TNS1: variants seen among roughly 807,000 people sequenced by gnomAD.
TNS1 encodes tensin 1, also known as tensin-1.
In TNS1, 62 loss-of-function variants were observed where a neutral mutation model predicts 168.6. The ratio of observed to expected loss-of-function variants is 0.37; its 90% CI spans 0.30 to 0.45. TNS1 has a LOEUF of 0.45. Among genes scored for constraint, TNS1 ranks in the 20% least tolerant of loss-of-function variants. TNS1 has a pLI of 1.00. For missense variants in TNS1, 2,240 were observed against 2,339.4 expected (o/e 0.96, Z 0.88); for synonymous variants, 934 against 933.2 (o/e 1.00, Z -0.02).
At chr2:217,917,700 G>A (rs1863796) in intron 4 of TNS1, among the ~76,000 whole-genome samples, 26,574 of 151,650 alleles carry the variant, frequency 0.18, 2,565 homozygotes, top group East Asian at 0.27. Context: ...GTGTGGTGCC[G>A]TGCGCCTGTA....
chr2:217,923,735 C>G (rs1575091382), intron 3 of TNS1, among the ~76,000 whole-genome samples: 1 of 152,318 alleles, frequency 6.6e-6, no homozygotes, highest in African/African-American at 2.4e-5. Context: ...CTATTACCCC[C>G]AATTCACAGA....
intron 3 of TNS1, among the ~76,000 whole-genome samples, chr2:217,946,958 C>A (rs1957122138): frequency 1.4e-5 from 2 of 139,786 alleles, no homozygotes; most frequent in African/African-American, 6.1e-5. Flanking sequence ...CTCTCTCTCT[C>A]TCTCTCTCTC....
chr2:217,825,443 G>T (rs1301402006), intron 22 of TNS1, among the ~76,000 whole-genome samples: 1 of 152,170 alleles, frequency 6.6e-6, no homozygotes, highest in Non-Finnish European at 1.5e-5. Context: ...ATCCCTCACT[G>T]CTCTGCCCAG....
chr2:217,815,080 CT>C, intron 24 of TNS1, 82 bp from the exon 25 acceptor site: 1 of 1,158,288 alleles, frequency 8.6e-7, no homozygotes, highest in South Asian at 1.3e-5. Flanking sequence ...GCCCCCAGTG[CT>C]TGTGAATTTG....
intron 1 of TNS1, among the ~76,000 whole-genome samples, chr2:218,019,132 A>G (rs1232359791): frequency 6.6e-6 from 1 of 152,302 alleles, no homozygotes; most frequent in African/African-American, 2.4e-5. Context: ...ATGTACACAG[A>G]CACACATAAA....
chr2:217,888,449 G>A (rs919158970), intron 12 of TNS1, among the ~76,000 whole-genome samples: 3 of 152,148 alleles, frequency 2.0e-5, no homozygotes, highest in Admixed American at 2.0e-4. Flanking sequence ...ACAGGAGCCA[G>A]GCAGACACGC....
chr2:217,968,836 A>G (rs1957710995), intron 3 of TNS1, among the ~76,000 whole-genome samples: 1 of 152,166 alleles, frequency 6.6e-6, no homozygotes, highest in African/African-American at 2.4e-5. Context: ...CTGGGTTTAC[A>G]GCTGTGCACC....
At chr2:217,984,844 C>T (rs1363202338) in intron 2 of TNS1, among the ~76,000 whole-genome samples, 2 of 151,574 alleles carry the variant, frequency 1.3e-5, no homozygotes, top group African/African-American at 4.9e-5. Context: ...CAACCTCCAC[C>T]TCCCGGGTTC....
rs894720715 is a variant in TNS1, at chr2:217,818,212, G to A, written c.4120C>T (p.Pro1374Ser). The A allele has an allele frequency of 6.2e-7, 1 of 1,613,902 alleles. No homozygotes were observed. The highest frequency in any genetic ancestry group is 8.5e-7 in the Non-Finnish European group (1 of 1,179,914). ...HNKVATTPGS[P>S]SLGRHPGAHQ... ...GCCCCAGGGTGCCGGCCCAGGCTGG[G>A]ACTCCCCGGGGTGGTGGCCACTTTG... The change falls in exon 24 of 33, where the codon CCC (proline) becomes TCC (serine). Residue 1374 changes from proline (P) to serine (S), a missense_variant. Coordinates refer to ENST00000682258, the MANE Select transcript of TNS1 (RefSeq NM_001387777.1).
intron 3 of TNS1, among the ~76,000 whole-genome samples, chr2:217,977,145 G>A (rs533429273): frequency 6.6e-6 from 1 of 152,356 alleles, no homozygotes; most frequent in African/African-American, 2.4e-5. Flanking sequence ...AAAGGTTGCA[G>A]GAAGGGCAGT....
At chr2:217,886,187 G>A (rs1020228384) in intron 13 of TNS1, 83 bp from the exon 14 acceptor site, 76 of 1,446,298 alleles carry the variant, frequency 5.3e-5, no homozygotes, top group Non-Finnish European at 7.2e-5. Context: ...GGGAGAAAGA[G>A]AGAAAGGAAG....
chr2:218,001,405 T>C (rs1958560637), intron 1 of TNS1, among the ~76,000 whole-genome samples: 1 of 152,094 alleles, frequency 6.6e-6, no homozygotes, highest in South Asian at 2.1e-4. Flanking sequence ...CTTTTCCCAG[T>C]ATCAGTCAGC....
chr2:217,979,848 A>G (rs551880775), intron 2 of TNS1, among the ~76,000 whole-genome samples: 14 of 152,044 alleles, frequency 9.2e-5, no homozygotes, highest in Non-Finnish European at 1.9e-4. Flanking sequence ...CAAATCCTCA[A>G]CAGCCACAGC....
At chr2:217,814,800 A>C in intron 25 of TNS1, 112 bp downstream of exon 25, 1 of 773,592 alleles carries the variant, frequency 1.3e-6, no homozygotes, top group Non-Finnish European at 2.2e-6. Context: ...CCCCTCTGTG[A>C]TGACCCCCTG....
intron 18 of TNS1, among the ~76,000 whole-genome samples, chr2:217,851,061 C>G (rs1189525238): frequency 6.6e-6 from 1 of 152,062 alleles, no homozygotes; most frequent in Non-Finnish European, 1.5e-5. Context: ...GATTTAAAAT[C>G]AGAGCTAATT....
intron 3 of TNS1, among the ~76,000 whole-genome samples, chr2:217,969,999 A>AT (rs560038995): frequency 2.2e-4 from 33 of 151,716 alleles, no homozygotes; most frequent in African/African-American, 7.6e-4. Context: ...ACAGTTCCTG[A>AT]TAAAAAAAAA....
At chr2:217,809,550 T>C (rs1940346221) in intron 30 of TNS1, among the ~76,000 whole-genome samples, 4 of 94,394 alleles carry the variant, frequency 4.2e-5, no homozygotes, top group East Asian at 2.5e-4. Context: ...CATGGATGGA[T>C]GGATGGATGG....
chr2:217,990,833 T>G, intron 2 of TNS1, 109 bp downstream of exon 2: 11 of 310,596 alleles, frequency 3.5e-5, no homozygotes, highest in East Asian at 1.1e-4. Flanking sequence ...AGGCGTCAGG[T>G]TGGGACCCCA....
At chr2:217,901,834 G>A (rs1406933794) in intron 6 of TNS1, 1 of 152,288 alleles carries the variant, frequency 6.6e-6, no homozygotes. Flanking sequence ...CTACGAGGCA[G>A]GATAGGTGGG....
Sources: gnomAD v4.1 joint callset for allele counts (sites outside exome capture counted in the v4.1 genomes callset) on GRCh38, gnomAD v4.1.1 for gene constraint, MANE v1.5 for transcripts, NCBI Gene and HGNC (gene_info 2026-07-23, HGNC 2026-07-21) for gene names.